ZNF33A: variants seen among roughly 807,000 people sequenced by gnomAD.
ZNF33A encodes the protein zinc finger protein 33A, also known as brain my041 protein.
ZNF33A carries 9 observed loss-of-function variants against 15.9 expected under a neutral mutation model. That is an observed-to-expected ratio of 0.57 (90% CI 0.34 to 0.99). The LOEUF (loss-of-function observed/expected upper bound fraction) is 0.99. ZNF33A is among the 50% of genes least tolerant of loss of function. The pLI is 0.02. For synonymous variants in ZNF33A, 294 were observed against 324.2 expected (o/e 0.91, Z 1.00); for missense variants, 843 against 941.6 (o/e 0.90, Z 1.37).
At chr10:38,046,899 T>A (rs1017837042) in intron 4 of ZNF33A, among the ~76,000 whole-genome samples, 3 of 152,104 alleles carry the variant, frequency 2.0e-5, no homozygotes, top group African/African-American at 7.2e-5. Context: ...TGGCCAGCCA[T>A]TGTTGTCTCA....
chr10:38,039,401 T>TTTTTA (rs2065596925), intron 4 of ZNF33A: 1 of 447,606 alleles, frequency 2.2e-6, no homozygotes, highest in Non-Finnish European at 4.5e-6. Context: ...TTTTTGTGTT[T>TTTTTA]TTTTTTTGTA....
intron 4 of ZNF33A, among the ~76,000 whole-genome samples, chr10:38,027,332 C>T (rs922158326): frequency 1.3e-5 from 2 of 151,780 alleles, no homozygotes; most frequent in Admixed American, 1.3e-4. Context: ...ATGCATCATT[C>T]ATTCATTCAT....
At position 38,055,287 on chromosome 10, in the gene ZNF33A, A is replaced by G. The variant is rs751155467; in HGVS notation, c.1163A>G (p.Asn388Ser). The part of the protein sequence containing the change: ...SHTGEKPFEC[N>S]ECGKAFSHKS... ...ACAGGGGAGAAACCTTTTGAATGCA[A>G]TGAATGTGGGAAAGCCTTTAGCCAT... The change falls in exon 5 of 5, where the codon AAT becomes AGT. Residue 388 changes from asparagine to serine, a missense_variant. Asn to Ser is a conservative substitution (Grantham distance 46). Coordinates refer to ENST00000432900, the MANE Select transcript of ZNF33A (RefSeq NM_006954.2). 8.7e-6 allele frequency: 14 copies of G among 1,613,768 alleles called. No individual in the cohort carries two copies. The highest frequency in any genetic ancestry group is 2.2e-5 in the South Asian group (2 of 91,074).
At chr10:38,033,930 C>G (rs991999923) in intron 4 of ZNF33A, among the ~76,000 whole-genome samples, 2 of 152,020 alleles carry the variant, frequency 1.3e-5, no homozygotes, top group African/African-American at 4.8e-5. Flanking sequence ...CCAGGCTGGA[C>G]TTGAACTCCT....
At position 38,057,675 on chromosome 10, in the gene ZNF33A, C is replaced by T. The variant is rs1351374868; in HGVS notation, c.*1115C>T. 11 of 985,224 alleles carry T rather than the reference C, an allele frequency of 1.1e-5. No individual in the cohort carries two copies. The highest frequency in any genetic ancestry group is 1.2e-5 in the Non-Finnish European group (10 of 829,878). 61.0% of individuals were successfully genotyped at this position (985,224 alleles called of 1,614,324 possible). On this transcript the variant is annotated 3_prime_UTR_variant, in exon 5 of 5. Transcript: ENST00000432900. ...TCCTGTACATGTGAAGATCTAGGCT[C>T]GCCTCCATGTTACTCCCTTTCTCTT...
intron 4 of ZNF33A, among the ~76,000 whole-genome samples, chr10:38,053,151 T>C (rs1414646958): frequency 1.3e-5 from 2 of 152,184 alleles, no homozygotes; most frequent in Non-Finnish European, 2.9e-5. Context: ...GTTTCCCCTT[T>C]GGCTCTGTAT....
At chr10:38,016,418 G>C (rs549009010) in intron 2 of ZNF33A, among the ~76,000 whole-genome samples, 1 of 152,246 alleles carries the variant, frequency 6.6e-6, no homozygotes, top group Admixed American at 6.5e-5. Context: ...GTGTGTTGGA[G>C]GCCCTCACCT....
intron 4 of ZNF33A, among the ~76,000 whole-genome samples, chr10:38,039,115 G>C (rs757474843): frequency 6.6e-6 from 1 of 151,662 alleles, no homozygotes; most frequent in Non-Finnish European, 1.5e-5. Context: ...TTATTTTCTT[G>C]GAGTTTTTGA....
Position 38,055,708 on chromosome 10 carries a change from T to C in ZNF33A, c.1584T>C (p.Tyr528=). ...CAGGGTGGAAACCTTATGAATGTTA[T>C]GAATGTGGGAAAACCTTCTGCTTGA... ...IHTGWKPYEC[Y]ECGKTFCLKS... The change falls in exon 5 of 5, where the codon TAT becomes TAC. Residue 528 remains tyrosine (Y), a synonymous_variant. Coordinates refer to ENST00000432900, the MANE Select transcript of ZNF33A (RefSeq NM_006954.2). 1 of 1,613,906 alleles carries C rather than the reference T, an allele frequency of 6.2e-7. No individual in the cohort carries two copies. The highest frequency in any genetic ancestry group is 2.2e-5 in the East Asian group (1 of 44,830).
At chr10:38,028,460 T>C (rs1040126083) in intron 4 of ZNF33A, among the ~76,000 whole-genome samples, 23 of 151,462 alleles carry the variant, frequency 1.5e-4, no homozygotes, top group African/African-American at 5.6e-4. Context: ...GTCTTCTTTG[T>C]GTTTTGTTGA....
chr10:38,013,513 C>T (rs1387421400), intron 2 of ZNF33A, among the ~76,000 whole-genome samples: 2 of 151,514 alleles, frequency 1.3e-5, no homozygotes, highest in Non-Finnish European at 2.9e-5. Context: ...CTGCAACCTC[C>T]GACTCCCTGG....
intron 4 of ZNF33A, among the ~76,000 whole-genome samples, chr10:38,023,127 G>A (rs1463822438): frequency 1.3e-5 from 2 of 152,058 alleles, no homozygotes; most frequent in Admixed American, 6.6e-5. Flanking sequence ...TGTATTTTTA[G>A]TAGAGACGGG....
intron 4 of ZNF33A, among the ~76,000 whole-genome samples, chr10:38,021,328 A>G (rs921676304): frequency 6.6e-6 from 1 of 152,036 alleles, no homozygotes; most frequent in African/African-American, 2.4e-5. Context: ...AGTACACAAA[A>G]CAAAACTGAT....
At chr10:38,052,754 T>G (rs1293121448) in intron 4 of ZNF33A, among the ~76,000 whole-genome samples, 1 of 152,096 alleles carries the variant, frequency 6.6e-6, no homozygotes, top group Admixed American at 6.6e-5. Flanking sequence ...AGACTTGGTC[T>G]TTTTGTCCAG....
intron 4 of ZNF33A, among the ~76,000 whole-genome samples, chr10:38,030,918 C>A (rs1227242692): frequency 1.3e-5 from 2 of 152,140 alleles, no homozygotes; most frequent in East Asian, 3.8e-4. Context: ...TTGGATAACA[C>A]TTTTGAAATG....
At chr10:38,011,579 A>G (rs1400518637) in intron 1 of ZNF33A, among the ~76,000 whole-genome samples, 2 of 152,202 alleles carry the variant, frequency 1.3e-5, no homozygotes, top group African/African-American at 4.8e-5. Flanking sequence ...CCGTCTCAAA[A>G]AAAAACAAAA....
chr10:38,060,947 T>C (rs1221200233), downstream of ZNF33A, among the ~76,000 whole-genome samples: 2 of 152,160 alleles, frequency 1.3e-5, no homozygotes, highest in African/African-American at 4.8e-5. Context: ...ATGACTTGAC[T>C]TGGGCTCAGC....
Position 38,023,056 on chromosome 10 carries a change from C to G in ZNF33A, c.250+5670C>G, listed in dbSNP as rs560165630. 1.3e-4 allele frequency among the ~76,000 whole-genome samples: 20 copies of G among 152,264 alleles called. No individual in the cohort carries two copies. The South Asian group carries it at 3.9e-3, about 30-fold the overall frequency. On this transcript the variant is annotated intron_variant, in intron 4 of 4. Coordinates refer to ENST00000432900, the MANE Select transcript of ZNF33A (RefSeq NM_006954.2). The stretch of plus-strand genomic sequence containing the variant: ...TGCCTCCCGGGTTCAGATGATTCTC[C>G]TGCGTCAGCCTCCCAAGTAGCTGGG...
chr10:38,040,246 T>G (rs1258973962), intron 4 of ZNF33A, among the ~76,000 whole-genome samples: 2 of 152,130 alleles, frequency 1.3e-5, no homozygotes, highest in Non-Finnish European at 2.9e-5. Flanking sequence ...ATGTTTCATG[T>G]GTACTTTTGA....
Sources: allele counts gnomAD v4.1 joint callset (sites outside exome capture counted in the v4.1 genomes callset), GRCh38; gene constraint gnomAD v4.1.1; transcripts MANE v1.5; gene names NCBI Gene and HGNC (gene_info 2026-07-23, HGNC 2026-07-21).